The following JAK1 variants were observed in gnomAD, a reference collection of about 807,000 sequenced individuals.
JAK1 encodes the protein Janus kinase 1, also known as tyrosine-protein kinase JAK1.
A neutral mutation model predicts 136.6 loss-of-function variants in JAK1; 16 were observed. The observed-to-expected ratio is 0.12, with a 90% confidence interval of 0.08 to 0.18. JAK1 has a LOEUF of 0.18. Among genes scored for constraint, JAK1 ranks in the 10% least tolerant of loss-of-function variants. JAK1 has a pLI of 1.00. For synonymous variants in JAK1, 492 were observed against 519.5 expected (o/e 0.95, Z 0.72); for missense variants, 859 against 1,450.1 (o/e 0.59, Z 6.62).
At chr1:65,040,513 A>G (rs1647121551) in intron 2 of JAK1, among the ~76,000 whole-genome samples, 1 of 152,164 alleles carries the variant, frequency 6.6e-6, no homozygotes, top group African/African-American at 2.4e-5. Context: ...CCTTCATTCC[A>G]TCTGCAACCA....
At chr1:64,980,617 A>G (rs923965951) in intron 2 of JAK1, among the ~76,000 whole-genome samples, 1 of 151,348 alleles carries the variant, frequency 6.6e-6, no homozygotes, top group African/African-American at 2.4e-5. Context: ...GTACATGTGC[A>G]CAACGTGCCG....
chr1:64,905,179 G>T (rs1203503182), intron 1 of JAK1, among the ~76,000 whole-genome samples: 1 of 152,054 alleles, frequency 6.6e-6, no homozygotes, highest in African/African-American at 2.4e-5. Flanking sequence ...CTAGGAGCTG[G>T]CTACAGGGTC....
At chr1:65,043,399 A>T (rs1647153004) in intron 2 of JAK1, among the ~76,000 whole-genome samples, 1 of 152,190 alleles carries the variant, frequency 6.6e-6, no homozygotes, top group Non-Finnish European at 1.5e-5. Flanking sequence ...AACTTTTTTA[A>T]ATGTATAGAC....
At position 64,844,658 on chromosome 1, in the gene JAK1, A is replaced by C; in HGVS notation, c.2251+96T>G. 1 of 1,396,552 alleles carries C rather than the reference A, an allele frequency of 7.2e-7. No homozygotes were observed. The highest frequency in any genetic ancestry group is 9.9e-7 in the Non-Finnish European group (1 of 1,006,186). The allele number at this position is 1,396,552 out of a possible 1,614,324, so 86.5% of individuals were successfully genotyped here. On this transcript the variant is annotated intron_variant, in intron 16 of 24. Transcript: ENST00000342505. This position sits in a 1 kb window ranked among gnomAD's most constrained non-coding sequence, Gnocchi z 5.7. ...TCTACTAAAATACAAAAAAAAAATGACTCTCTAAAAGGAGACCAACCCCAG... is the reference window on the plus strand; with the variant it reads ...TCTACTAAAATACAAAAAAAAAATGCCTCTCTAAAAGGAGACCAACCCCAG...
At chr1:64,853,689 A>G (rs1297914894) in intron 11 of JAK1, among the ~76,000 whole-genome samples, 1 of 152,198 alleles carries the variant, frequency 6.6e-6, no homozygotes, top group South Asian at 2.1e-4. Context: ...ACAAAAAGCT[A>G]CTGTGTAGAT....
chr1:64,838,609 A>G lies in JAK1; in HGVS notation c.2843-20T>C, dbSNP rs1356327666. 7.4e-6 allele frequency: 12 copies of G among 1,611,366 alleles called. No individual in the cohort carries two copies. Among genetic ancestry groups the G allele is most frequent in the Non-Finnish European group, 1.0e-5 (12 of 1,179,756 alleles). On this transcript the variant is annotated intron_variant, in intron 20 of 24. Coordinates refer to ENST00000342505, the MANE Select transcript of JAK1 (RefSeq NM_002227.4). Reference sequence around the variant, plus strand: ...TTCCTCCTGTTTAGAAAAAACATCCATCAGTCTGAGGCTGCCAAATGAGGG... The same window carrying G: ...TTCCTCCTGTTTAGAAAAAACATCCGTCAGTCTGAGGCTGCCAAATGAGGG...
At chr1:64,975,086 G>GTT (rs111582090) in intron 2 of JAK1, among the ~76,000 whole-genome samples, 7,772 of 145,864 alleles carry the variant, frequency 0.053, 277 homozygotes, top group South Asian at 0.11. Context: ...ATTTTGTATA[G>GTT]TTTTTTTTTT....
intron 1 of JAK1, among the ~76,000 whole-genome samples, chr1:64,887,021 G>A (rs550460960): frequency 1.3e-5 from 2 of 152,178 alleles, no homozygotes; most frequent in African/African-American, 2.4e-5. Context: ...AGCAGCGAAG[G>A]GGGAGAGGGA....
chr1:65,006,883 C>T (rs1428001032), intron 2 of JAK1, among the ~76,000 whole-genome samples: 2 of 152,054 alleles, frequency 1.3e-5, no homozygotes, highest in Non-Finnish European at 2.9e-5. Context: ...TGTCATCTGC[C>T]TTAAAAAGTT....
chr1:65,034,424 CT>C, intron 2 of JAK1, among the ~76,000 whole-genome samples: 1 of 152,300 alleles, frequency 6.6e-6, no homozygotes, highest in African/African-American at 2.4e-5. Flanking sequence ...AAGTGATTTT[CT>C]TTTGGAACAA....
In JAK1 at chr1:64,847,571, G is replaced by T. The variant is rs768829776; in HGVS notation, c.1860C>A (p.Ile620=). 8.7e-6 allele frequency: 14 copies of T among 1,614,018 alleles called. No homozygotes were observed. The African/African-American group carries it at 9.3e-5, about 11-fold the overall frequency. ...GTSEEKKIKV[I]LKVLDPSHRD... ...TGTGGCTGGGGTCTAAGACTTTGAGGATCACTTTTATCTTCTTCTCTTCAG... is the reference window on the plus strand; with the variant it reads ...TGTGGCTGGGGTCTAAGACTTTGAGTATCACTTTTATCTTCTTCTCTTCAG... The change falls in exon 13 of 25, where the codon ATC becomes ATA. Residue 620 remains isoleucine, a synonymous_variant. Coordinates refer to ENST00000342505, the MANE Select transcript of JAK1 (RefSeq NM_002227.4).
intron 1 of JAK1, among the ~76,000 whole-genome samples, chr1:64,957,444 T>C (rs1288924572): frequency 6.6e-6 from 1 of 152,240 alleles, no homozygotes; most frequent in Non-Finnish European, 1.5e-5. Context: ...TTGGCACATA[T>C]TCGTGCCTCT....
intron 2 of JAK1, among the ~76,000 whole-genome samples, chr1:65,036,879 A>C (rs928578860): frequency 6.6e-6 from 1 of 152,358 alleles, no homozygotes; most frequent in South Asian, 2.1e-4. Context: ...TTAAAAAATA[A>C]ATACATGCTT....
At chr1:64,986,704 T>C (rs932193539) in intron 2 of JAK1, among the ~76,000 whole-genome samples, 4 of 152,158 alleles carry the variant, frequency 2.6e-5, no homozygotes, top group African/African-American at 9.6e-5. Context: ...AAGACCAGCC[T>C]GGGAAACAGA....
intron 1 of JAK1, among the ~76,000 whole-genome samples, chr1:65,062,572 C>T (rs568000900): frequency 6.6e-5 from 10 of 152,174 alleles, no homozygotes; most frequent in Non-Finnish European, 1.5e-4. Flanking sequence ...ACTCCACTTC[C>T]CTGCAGGTTC....
At chr1:64,989,191 GGCACGT>G (rs1337508582) in intron 2 of JAK1, among the ~76,000 whole-genome samples, 2 of 149,824 alleles carry the variant, frequency 1.3e-5, no homozygotes, top group African/African-American at 4.9e-5. Flanking sequence ...TGGGTGTGGT[GGCACGT>G]GCCTGTAATC....
chr1:65,025,118 C>A (rs1352830285), intron 2 of JAK1, among the ~76,000 whole-genome samples: 2 of 152,164 alleles, frequency 1.3e-5, no homozygotes, highest in African/African-American at 4.8e-5. Flanking sequence ...CACGTTCTTC[C>A]AGGTTCAGGC....
chr1:64,851,531 G>A (rs1363245322), intron 11 of JAK1, among the ~76,000 whole-genome samples: 1 of 152,192 alleles, frequency 6.6e-6, no homozygotes, highest in African/African-American at 2.4e-5. Context: ...TACCAGCAGT[G>A]CCTGACATGG....
chr1:64,886,454 T>G, intron 1 of JAK1, 113 bp from the exon 2 acceptor site: 1 of 532,290 alleles, frequency 1.9e-6, no homozygotes. Flanking sequence ...GAAAAAGCAT[T>G]TGAGAGGAAG....
Sources: gnomAD v4.1 joint callset for allele counts (sites outside exome capture counted in the v4.1 genomes callset) on GRCh38, gnomAD v4.1.1 for gene constraint, Gnocchi (gnomAD v3.1) non-coding constraint, MANE v1.5 for transcripts, NCBI Gene and HGNC (gene_info 2026-07-23, HGNC 2026-07-21) for gene names.